The following PRKCB variants were observed in gnomAD, a reference collection of about 807,000 sequenced individuals.
PRKCB encodes the protein protein kinase C beta.
A neutral mutation model predicts 81.5 loss-of-function variants in PRKCB; 13 were observed. The observed-to-expected ratio is 0.16, with a 90% CI of 0.10 to 0.25. PRKCB has a LOEUF of 0.25. Among genes scored for constraint, PRKCB ranks in the 10% least tolerant of loss-of-function variants. The pLI, the probability that PRKCB is intolerant of heterozygous loss-of-function variation, is 1.00. For synonymous variants in PRKCB, 335 were observed against 321.4 expected, an observed-to-expected ratio of 1.04 and a Z score of -0.45; for missense variants, 509 against 875.7, an observed-to-expected ratio of 0.58 and a Z score of 5.29.
chr16:24,204,207 C>A (rs969726888), intron 16 of PRKCB, among the ~76,000 whole-genome samples: 1 of 152,078 alleles, frequency 6.6e-6, no homozygotes, highest in Non-Finnish European at 1.5e-5. Flanking sequence ...GAAACTTGAG[C>A]TTAGGGGACT....
intron 3 of PRKCB, among the ~76,000 whole-genome samples, chr16:24,014,852 G>A (rs1965255621): frequency 6.6e-6 from 1 of 152,094 alleles, no homozygotes. Context: ...GGAGTGCAAT[G>A]GCATGATCTC....
intron 2 of PRKCB, among the ~76,000 whole-genome samples, chr16:23,849,474 T>A (rs958663774): frequency 6.6e-6 from 1 of 152,338 alleles, no homozygotes; most frequent in East Asian, 1.9e-4. Context: ...GTGCTGCAAA[T>A]GAAGATTTGA....
chr16:24,035,327 C>G, intron 4 of PRKCB, 92 bp from the exon 5 acceptor site: 1 of 1,492,524 alleles, frequency 6.7e-7, no homozygotes, highest in South Asian at 1.3e-5. Context: ...AGGAGGGAAA[C>G]AGGAAGGGCT....
At chr16:23,951,940 G>T (rs536453631) in intron 2 of PRKCB, among the ~76,000 whole-genome samples, 1 of 152,204 alleles carries the variant, frequency 6.6e-6, no homozygotes, top group East Asian at 1.9e-4. Flanking sequence ...ATATCACATT[G>T]ATTGGTGGTG....
chr16:24,020,629 A>G (rs1965345277), intron 3 of PRKCB, among the ~76,000 whole-genome samples: 1 of 152,298 alleles, frequency 6.6e-6, no homozygotes, highest in East Asian at 1.9e-4. Context: ...CAGGGTGGTT[A>G]AGTCACTTCC....
intron 5 of PRKCB, among the ~76,000 whole-genome samples, chr16:24,082,064 T>C (rs116227041): frequency 1.2e-3 from 188 of 152,284 alleles, no homozygotes; most frequent in African/African-American, 4.4e-3. Context: ...ATCAATTGTA[T>C]TTCTATATAT....
chr16:23,949,006 C>A (rs1964240099), intron 2 of PRKCB, among the ~76,000 whole-genome samples: 1 of 152,156 alleles, frequency 6.6e-6, no homozygotes, highest in Admixed American at 6.5e-5. Flanking sequence ...ACTGACAACG[C>A]ATAATTTTTC....
chr16:24,126,105 G>A (rs1966843824), intron 9 of PRKCB, among the ~76,000 whole-genome samples: 1 of 152,190 alleles, frequency 6.6e-6, no homozygotes, highest in Non-Finnish European at 1.5e-5. Context: ...CACAGAGCCT[G>A]TACCAAGTGC....
At chr16:23,984,157 T>A (rs1964772452) in intron 2 of PRKCB, among the ~76,000 whole-genome samples, 1 of 152,194 alleles carries the variant, frequency 6.6e-6, no homozygotes, top group Admixed American at 6.5e-5. Flanking sequence ...ATAAATTAAT[T>A]GAGCAGTCAA....
intron 2 of PRKCB, among the ~76,000 whole-genome samples, chr16:23,978,019 T>C (rs1964647882): frequency 6.6e-6 from 1 of 152,128 alleles, no homozygotes; most frequent in South Asian, 2.1e-4. Context: ...TTCACAACCG[T>C]ATGTGAAATT....
At chr16:24,051,829 G>A (rs902027414) in intron 5 of PRKCB, among the ~76,000 whole-genome samples, 2 of 152,164 alleles carry the variant, frequency 1.3e-5, no homozygotes, top group African/African-American at 4.8e-5. Context: ...AAGAGGCCGG[G>A]CACAGTGGCT....
At chr16:24,198,691 A>G (rs1967914082) in intron 16 of PRKCB, among the ~76,000 whole-genome samples, 1 of 152,202 alleles carries the variant, frequency 6.6e-6, no homozygotes. Flanking sequence ...CCCAGTAGTA[A>G]ACATGGCTCT....
At chr16:23,947,598 G>A (rs1382588563) in intron 2 of PRKCB, among the ~76,000 whole-genome samples, 1 of 152,154 alleles carries the variant, frequency 6.6e-6, no homozygotes, top group Non-Finnish European at 1.5e-5. Context: ...AGCAGTACTT[G>A]CCTTTATTTC....
chr16:23,982,024 T>C (rs1596497262), intron 2 of PRKCB, among the ~76,000 whole-genome samples: 1 of 101,346 alleles, frequency 9.9e-6, no homozygotes, highest in South Asian at 3.9e-4. Flanking sequence ...TCCCTTCCAC[T>C]TCCCTTTCCC....
intron 3 of PRKCB, among the ~76,000 whole-genome samples, chr16:24,017,573 A>G (rs1458251763): frequency 6.6e-6 from 1 of 152,234 alleles, no homozygotes; most frequent in African/African-American, 2.4e-5. Flanking sequence ...TTAAAAGGCA[A>G]ATGAGAAACT....
intron 9 of PRKCB, among the ~76,000 whole-genome samples, chr16:24,150,331 A>C (rs535444470): frequency 6.6e-5 from 10 of 152,246 alleles, no homozygotes; most frequent in Admixed American, 1.3e-4. Flanking sequence ...CAAAAACGAA[A>C]AACAGAAAAC....
chr16:24,123,992 A>G lies in PRKCB; in HGVS notation c.1065+11A>G, dbSNP rs752410072. 1.9e-6 allele frequency: 3 copies of G among 1,613,846 alleles called. No individual in the cohort carries two copies. Among genetic ancestry groups the G allele is most frequent in the Admixed American group, 1.7e-5 (1 of 59,998 alleles). On this transcript the variant is annotated intron_variant, in intron 9 of 16. Transcript: ENST00000643927. ...GGCAGCTTTGGCAAGGTATGGTATG[A>G]TTTGGTGGCTCCACCTGCTTTGGAA...
At chr16:23,893,389 A>T (rs761885948) in intron 2 of PRKCB, 1 of 152,220 alleles carries the variant, frequency 6.6e-6, no homozygotes, top group African/African-American at 2.4e-5. Flanking sequence ...GGCTGGTTTA[A>T]CAGAGATTAT....
At chr16:23,839,865 C>G (rs960482799) in intron 2 of PRKCB, among the ~76,000 whole-genome samples, 1 of 152,220 alleles carries the variant, frequency 6.6e-6, no homozygotes, top group Admixed American at 6.5e-5. Context: ...AATATCTGCT[C>G]TTATGATTGT....
Sources: gnomAD v4.1 joint callset for allele counts (sites outside exome capture counted in the v4.1 genomes callset) on GRCh38, gnomAD v4.1.1 for gene constraint, MANE v1.5 for transcripts, NCBI Gene and HGNC (gene_info 2026-07-23, HGNC 2026-07-21) for gene names.